OSBPL10: variants seen among roughly 807,000 people sequenced by gnomAD.
The protein encoded by OSBPL10 is oxysterol binding protein like 10, also known as oxysterol-binding protein-related protein 10.
OSBPL10 carries 49 observed loss-of-function variants against 81.7 expected under a neutral mutation model. The ratio of observed to expected loss-of-function variants is 0.60; its 90% CI spans 0.48 to 0.76. The LOEUF (loss-of-function observed/expected upper bound fraction) is 0.76. Ranked by LOEUF, OSBPL10 falls within the 30% of genes least tolerant of loss-of-function variation. The probability of loss-of-function intolerance (pLI) is 0.00; values close to 1 mark genes in which losing one functional copy is unlikely to be tolerated. For synonymous variants in OSBPL10, 419 were observed against 383.6 expected, an observed-to-expected ratio of 1.09 and a Z score of -1.08; for missense variants, 923 against 987.8, an observed-to-expected ratio of 0.93 and a Z score of 0.88.
intron 1 of OSBPL10, among the ~76,000 whole-genome samples, chr3:31,935,686 G>A (rs994667372): frequency 6.6e-6 from 1 of 151,874 alleles, no homozygotes; most frequent in Non-Finnish European, 1.5e-5. Flanking sequence ...ACCACGCCCG[G>A]CTAATTTTTG....
In OSBPL10 at chr3:31,747,171, C is replaced by T. The variant is rs111648299; in HGVS notation, c.940+739G>A. Among the ~76,000 whole-genome samples the T allele has an allele frequency of 4.5e-3, 678 of 152,052 alleles. 5 individuals carry two copies. The highest frequency in any genetic ancestry group is 0.015 in the African/African-American group (636 of 41,494). ...CTAACATGGTGAAACCCCGTCTCTA[C>T]TGAAAACATAAAATTTGGGCATGGT... On this transcript the variant is annotated intron_variant, in intron 5 of 11. Coordinates refer to ENST00000396556, the MANE Select transcript of OSBPL10 (RefSeq NM_017784.5).
At chr3:31,889,768 T>C (rs940397980) in intron 1 of OSBPL10, among the ~76,000 whole-genome samples, 4 of 152,124 alleles carry the variant, frequency 2.6e-5, no homozygotes, top group African/African-American at 7.2e-5. Context: ...TAATGAATAA[T>C]ATATAGCTTC....
chr3:31,869,937 A>G (rs1701276776), intron 3 of OSBPL10, among the ~76,000 whole-genome samples: 1 of 152,344 alleles, frequency 6.6e-6, no homozygotes, highest in Non-Finnish European at 1.5e-5. Context: ...CTGAATTCCT[A>G]TTGAGAGGTG....
chr3:32,013,429 G>A (rs1699279977), intron 2 of OSBPL10, among the ~76,000 whole-genome samples: 1 of 151,834 alleles, frequency 6.6e-6, no homozygotes, highest in Admixed American at 6.6e-5. Flanking sequence ...AGAATCTCTG[G>A]GACACATTTA....
At chr3:31,749,991 G>A (rs893435160) in intron 4 of OSBPL10, among the ~76,000 whole-genome samples, 1 of 151,604 alleles carries the variant, frequency 6.6e-6, no homozygotes, top group African/African-American at 2.4e-5. Flanking sequence ...AACCAGCCTC[G>A]CCAATGTGGT....
At chr3:32,073,858 A>G (rs1232066372) in intron 1 of OSBPL10, among the ~76,000 whole-genome samples, 1 of 152,026 alleles carries the variant, frequency 6.6e-6, no homozygotes, top group Non-Finnish European at 1.5e-5. Context: ...CTTGGAGTGG[A>G]TAGATGATCT....
At chr3:32,014,278 A>G (rs1251861510) in intron 2 of OSBPL10, among the ~76,000 whole-genome samples, 2 of 152,228 alleles carry the variant, frequency 1.3e-5, no homozygotes, top group African/African-American at 2.4e-5. Flanking sequence ...CTGGGATGCA[A>G]CGCTGGTTCA....
rs1306473764 is a variant in OSBPL10 at position 31,930,003 on chromosome 3, C to CAAACAAAAAAA, written c.282-50174_282-50173insTTTTTTTGTTT. On this transcript the variant is annotated intron_variant, in intron 1 of 11. Coordinates refer to ENST00000396556, the MANE Select transcript of OSBPL10 (RefSeq NM_017784.5). ...GATCAAGTGAGACCCTGTCACCAAC[C>CAAACAAAAAAA]AAAAAAAAAAAAAAAAAAAAAAACA... is the stretch of plus-strand genomic sequence containing the variant. Among the ~76,000 whole-genome samples the CAAACAAAAAAA allele has an allele frequency of 1.3e-3, 97 of 72,566 alleles. 18 individuals carry two copies. Among genetic ancestry groups the CAAACAAAAAAA allele is most frequent in the Non-Finnish European group, 1.5e-3 (57 of 38,436 alleles). 47.6% of individuals were successfully genotyped at this position (72,566 alleles called of 152,430 possible). A position where few individuals can be genotyped will look rare whatever the true frequency, so the allele number is the denominator to read the frequency against.
intron 2 of OSBPL10, among the ~76,000 whole-genome samples, chr3:32,021,156 A>G (rs115931409): frequency 6.6e-5 from 10 of 152,286 alleles, no homozygotes; most frequent in African/African-American, 2.4e-4. Context: ...AAGTATAATC[A>G]CATTCTGAGG....
At chr3:31,675,061 T>C (rs1303441647) in intron 8 of OSBPL10, among the ~76,000 whole-genome samples, 1 of 152,190 alleles carries the variant, frequency 6.6e-6, no homozygotes, top group Admixed American at 6.5e-5. Context: ...CATCTCTACT[T>C]GGTAGTAAAA....
At chr3:31,816,997 C>T (rs969572075) in intron 4 of OSBPL10, among the ~76,000 whole-genome samples, 8 of 152,204 alleles carry the variant, frequency 5.3e-5, no homozygotes, top group Admixed American at 3.3e-4. Flanking sequence ...CTGCCCTCTT[C>T]GTCCCCTGGC....
chr3:31,995,655 CA>C (rs1346416757), intron 2 of OSBPL10, among the ~76,000 whole-genome samples: 1 of 152,130 alleles, frequency 6.6e-6, no homozygotes, highest in Non-Finnish European at 1.5e-5. Flanking sequence ...ACGAAGATAA[CA>C]GGATTAAGAG....
chr3:31,807,400 A>AAT (rs1006157576), intron 4 of OSBPL10, among the ~76,000 whole-genome samples: 1 of 151,376 alleles, frequency 6.6e-6, no homozygotes, highest in South Asian at 2.1e-4. Context: ...TAAATAAATA[A>AAT]ATAAGATTCA....
chr3:31,754,028 T>A (rs1360169485), intron 4 of OSBPL10, among the ~76,000 whole-genome samples: 1 of 152,168 alleles, frequency 6.6e-6, no homozygotes, highest in African/African-American at 2.4e-5. Context: ...AGTCCTGGTC[T>A]CACACCTGAA....
intron 2 of OSBPL10, among the ~76,000 whole-genome samples, chr3:32,016,563 T>C (rs548112980): frequency 2.6e-5 from 4 of 152,302 alleles, no homozygotes; most frequent in Non-Finnish European, 4.4e-5. Flanking sequence ...ACCTGTACGT[T>C]GTGCACATGT....
intron 4 of OSBPL10, among the ~76,000 whole-genome samples, chr3:31,808,756 A>C (rs1156236093): frequency 6.6e-6 from 1 of 152,232 alleles, no homozygotes; most frequent in Non-Finnish European, 1.5e-5. Flanking sequence ...TACTTCATAA[A>C]ACCTGACATT....
In OSBPL10 at chr3:31,687,450, T is replaced by C. The variant is rs867767229; in HGVS notation, c.1246-3336A>G. ...CCCTAATTTAGTCAGCATTTCTGAATTCAAAAGCTGAAGGATTTAAAAAAA... is the reference window on the plus strand; with the variant it reads ...CCCTAATTTAGTCAGCATTTCTGAACTCAAAAGCTGAAGGATTTAAAAAAA... On this transcript the variant is annotated intron_variant, in intron 7 of 11. Transcript: ENST00000396556. 4.5e-4 allele frequency among the ~76,000 whole-genome samples: 68 copies of C among 150,926 alleles called. 1 individual carries two copies. The Middle Eastern group carries it at 0.014, about 30-fold the overall frequency.
intron 10 of OSBPL10, among the ~76,000 whole-genome samples, chr3:31,665,331 G>A (rs1700163861): frequency 6.6e-6 from 1 of 152,230 alleles, no homozygotes; most frequent in Admixed American, 6.5e-5. Context: ...AGGTGGTGGA[G>A]ATTCCCTCCC....
chr3:32,014,573 A>G (rs1229416861), intron 2 of OSBPL10, among the ~76,000 whole-genome samples: 1 of 152,178 alleles, frequency 6.6e-6, no homozygotes, highest in Non-Finnish European at 1.5e-5. Flanking sequence ...CCTATTCAAC[A>G]TAGTGTTGGA....
Sources: allele counts gnomAD v4.1 joint callset (sites outside exome capture counted in the v4.1 genomes callset), GRCh38; gene constraint gnomAD v4.1.1; transcripts MANE v1.5; gene names NCBI Gene and HGNC (gene_info 2026-07-23, HGNC 2026-07-21).